PRMT8: variants seen among roughly 807,000 people sequenced by gnomAD.
PRMT8 encodes protein arginine N-methyltransferase 8.
In PRMT8, 7 loss-of-function variants were observed where a neutral mutation model predicts 47.1. That is an observed-to-expected ratio of 0.15 (90% CI 0.08 to 0.28). The LOEUF (loss-of-function observed/expected upper bound fraction) is 0.28. Ranked by LOEUF, PRMT8 falls within the 10% of genes least tolerant of loss-of-function variation. PRMT8 has a pLI of 1.00. For synonymous variants in PRMT8, 188 were observed against 186.5 expected (o/e 1.01, Z -0.07); for missense variants, 237 against 505.4 (o/e 0.47, Z 5.09).
In PRMT8 at chr12:3,580,779, G is replaced by C. The variant is rs1240048142; in HGVS notation, c.829-2279G>C. Reference sequence around the variant, plus strand: ...GGACCTTGGAAAGAGCCTGGAGCCTGGCTGATTGGCCCTGAGAAGGTGATG... The same window carrying C: ...GGACCTTGGAAAGAGCCTGGAGCCTCGCTGATTGGCCCTGAGAAGGTGATG... On this transcript the variant is annotated intron_variant, in intron 7 of 9. Transcript: ENST00000382622. The surrounding 1 kb of genome is among the most constrained non-coding windows in gnomAD (Gnocchi z 4.6). Among the ~76,000 whole-genome samples the C allele has an allele frequency of 6.6e-6, 1 of 152,182 alleles. No homozygotes were observed. Among genetic ancestry groups the C allele is most frequent in the East Asian group, 1.9e-4 (1 of 5,190 alleles).
At chr12:3,543,537 C>A (rs962938322) in intron 2 of PRMT8, among the ~76,000 whole-genome samples, 1 of 152,280 alleles carries the variant, frequency 6.6e-6, no homozygotes, top group African/African-American at 2.4e-5. Flanking sequence ...GCAGCCCCAC[C>A]GGCCTGCTGA....
At chr12:3,587,440 CTG>C (rs1867204268) in intron 8 of PRMT8, among the ~76,000 whole-genome samples, 2 of 151,612 alleles carry the variant, frequency 1.3e-5, no homozygotes, top group Non-Finnish European at 2.9e-5. Flanking sequence ...ATGGTAATAA[CTG>C]TAATATAATT....
rs1158626580 is a variant in PRMT8, at chr12:3,508,755, G to A, written c.75+17055G>A. On this transcript the variant is annotated intron_variant, in intron 1 of 9. Coordinates refer to ENST00000382622, the MANE Select transcript of PRMT8 (RefSeq NM_019854.5). This position sits in a 1 kb window ranked among gnomAD's most constrained non-coding sequence, Gnocchi z 4.9. ...CCCACATCTCTCCTCTGAGATACGC[G>A]AGGCATAGCTGCCTGCCTGCGGGAC... 6.6e-6 allele frequency among the ~76,000 whole-genome samples: 1 copy of A among 152,120 alleles called. No homozygotes were observed. The highest frequency in any genetic ancestry group is 1.9e-4 in the East Asian group (1 of 5,184).
In PRMT8 at chr12:3,538,501, GTCT is replaced by G; in HGVS notation, c.76-2103_76-2101del. On this transcript the variant is annotated intron_variant, in intron 1 of 9. Coordinates refer to ENST00000382622, the MANE Select transcript of PRMT8 (RefSeq NM_019854.5). The surrounding 1 kb of genome is among the most constrained non-coding windows in gnomAD (Gnocchi z 4.6). ...CCCACCCACTCCCAGCCTCCGGGGA[GTCT>G]TAGCCTGTGGAGTCCCAGGAAGCAC... The G allele has an allele frequency of 2.4e-6, 1 of 417,560 alleles. No homozygotes were observed. The highest frequency in any genetic ancestry group is 4.8e-6 in the Non-Finnish European group (1 of 210,028). The allele number at this position is 417,560 out of a possible 1,614,324, so 25.9% of individuals were successfully genotyped here.
In PRMT8 at chr12:3,583,708, C is replaced by T. The variant is rs1867115682; in HGVS notation, c.979+500C>T. ...CTGTTGGTGTTCCCCCAAGATCACC[C>T]CACTGCTACTCCCACTCCCAAATCC... On this transcript the variant is annotated intron_variant, in intron 8 of 9. Coordinates refer to ENST00000382622, the MANE Select transcript of PRMT8 (RefSeq NM_019854.5). The surrounding 1 kb of genome is among the most constrained non-coding windows in gnomAD (Gnocchi z 4.7). 2.0e-5 allele frequency among the ~76,000 whole-genome samples: 3 copies of T among 152,222 alleles called. No homozygotes were observed. The highest frequency in any genetic ancestry group is 4.4e-5 in the Non-Finnish European group (3 of 68,044).
intron 2 of PRMT8, among the ~76,000 whole-genome samples, chr12:3,544,143 G>T (rs1488138416): frequency 6.6e-6 from 1 of 152,226 alleles, no homozygotes; most frequent in Non-Finnish European, 1.5e-5. Flanking sequence ...GGACACAAGT[G>T]AATCCACAGC....
rs545382543 is a variant in PRMT8 at position 3,522,944 on chromosome 12, C to T, written c.76-17662C>T. Among the ~76,000 whole-genome samples the T allele has an allele frequency of 8.5e-5, 13 of 152,052 alleles. No homozygotes were observed. In the East Asian group the frequency reaches 1.4e-3, roughly 16 times the overall value. ...CAGGCTCCGTCATTGGGGGTGGATGCGGTTAGAATTAATTCTACTACCAGG... is the reference window on the plus strand; with the variant it reads ...CAGGCTCCGTCATTGGGGGTGGATGTGGTTAGAATTAATTCTACTACCAGG... On this transcript the variant is annotated intron_variant, in intron 1 of 9. Transcript: ENST00000382622.
At chr12:3,518,610 C>T (rs1865831953) in intron 1 of PRMT8, among the ~76,000 whole-genome samples, 1 of 152,132 alleles carries the variant, frequency 6.6e-6, no homozygotes, top group Non-Finnish European at 1.5e-5. Flanking sequence ...CTCCTGCCAG[C>T]TGAGCAGAAA....
At chr12:3,475,346 C>T (rs777536379) in intron 1 of PRMT8, among the ~76,000 whole-genome samples, 1 of 152,204 alleles carries the variant, frequency 6.6e-6, no homozygotes, top group East Asian at 1.9e-4. Flanking sequence ...CTGATAGAAT[C>T]GTGGACATTT....
intron 9 of PRMT8, among the ~76,000 whole-genome samples, 164 bp from the exon 10 acceptor site, chr12:3,592,935 A>G (rs1867342323): frequency 6.6e-6 from 1 of 152,208 alleles, no homozygotes; most frequent in Non-Finnish European, 1.5e-5. Context: ...GAGGCAGCAG[A>G]ATGGATTCCT....
At chr12:3,381,835 G>A (rs1864095022) in intron 1 of PRMT8, among the ~76,000 whole-genome samples, 1 of 152,190 alleles carries the variant, frequency 6.6e-6, no homozygotes, top group Non-Finnish European at 1.5e-5. Flanking sequence ...GGATCCCTCT[G>A]TTGCCCTTCA....
chr12:3,580,469 A>G lies in PRMT8; in HGVS notation c.829-2589A>G, dbSNP rs1477194896. Among the ~76,000 whole-genome samples, 3 of 152,162 alleles carry G rather than the reference A, an allele frequency of 2.0e-5. No homozygotes were observed. Among genetic ancestry groups the G allele is most frequent in the Non-Finnish European group, 4.4e-5 (3 of 68,038 alleles). ...AGATCCAGAGACTGACACAGTCTGG[A>G]TGAACCTGAGTTACGAAAGAGGGGC... On this transcript the variant is annotated intron_variant, in intron 7 of 9. Coordinates refer to ENST00000382622, the MANE Select transcript of PRMT8 (RefSeq NM_019854.5). This position sits in a 1 kb window ranked among gnomAD's most constrained non-coding sequence, Gnocchi z 4.6.
chr12:3,396,441 G>A (rs1011988948), intron 1 of PRMT8, among the ~76,000 whole-genome samples: 26 of 152,226 alleles, frequency 1.7e-4, no homozygotes, highest in African/African-American at 5.5e-4. Context: ...TTGCTTGTCT[G>A]TAAAGTATTT....
At chr12:3,433,940 A>G (rs1389898632) in intron 1 of PRMT8, among the ~76,000 whole-genome samples, 1 of 152,226 alleles carries the variant, frequency 6.6e-6, no homozygotes, top group Non-Finnish European at 1.5e-5. Context: ...ATGTTGCATG[A>G]AAAAGTGAGA....
rs57739335 is a variant in PRMT8 at position 3,580,337 on chromosome 12, C to CGTGTGT, written c.829-2696_829-2691dup. ...TCCTGCCAGATGGGGGGTGCGTGTG[C>CGTGTGT]GTGTGTGTGTGTGTGTGTGTGTGTG... is the stretch of plus-strand genomic sequence containing the variant. On this transcript the variant is annotated intron_variant, in intron 7 of 9. Transcript: ENST00000382622. The surrounding 1 kb of genome is among the most constrained non-coding windows in gnomAD (Gnocchi z 4.6). 0.019 allele frequency among the ~76,000 whole-genome samples: 2,757 copies of CGTGTGT among 145,610 alleles called. 43 individuals carry two copies. The highest frequency in any genetic ancestry group is 0.042 in the African/African-American group (1,656 of 39,616).
chr12:3,526,410 C>T (rs1335768253), intron 1 of PRMT8, among the ~76,000 whole-genome samples: 1 of 152,126 alleles, frequency 6.6e-6, no homozygotes, highest in African/African-American at 2.4e-5. Flanking sequence ...CATGGTAATA[C>T]TATACTTAAT....
intron 4 of PRMT8, among the ~76,000 whole-genome samples, chr12:3,559,574 C>T (rs1316726956): frequency 6.6e-6 from 1 of 152,182 alleles, no homozygotes; most frequent in Non-Finnish European, 1.5e-5. Context: ...TCATTTCCTC[C>T]CTTTCCATAT....
At chr12:3,393,354 G>A (rs1210986095) in intron 1 of PRMT8, among the ~76,000 whole-genome samples, 4 of 149,818 alleles carry the variant, frequency 2.7e-5, no homozygotes, top group South Asian at 4.3e-4. Context: ...TAGGTATAAC[G>A]TTTAAGTCTT....
intron 4 of PRMT8, among the ~76,000 whole-genome samples, chr12:3,560,878 C>T (rs1159052209): frequency 2.0e-5 from 3 of 152,244 alleles, no homozygotes; most frequent in South Asian, 2.1e-4. Context: ...GTGCACAGCT[C>T]GTAAGGTTAT....
Sources: allele counts gnomAD v4.1 joint callset (sites outside exome capture counted in the v4.1 genomes callset), GRCh38; gene constraint gnomAD v4.1.1; non-coding constraint Gnocchi (gnomAD v3.1); transcripts MANE v1.5; gene names NCBI Gene and HGNC (gene_info 2026-07-23, HGNC 2026-07-21).